Variants in MED27 observed in about 807,000 individuals in gnomAD.
The protein encoded by MED27 is mediator complex subunit 27, also known as mediator of RNA polymerase II transcription subunit 27.
A neutral mutation model predicts 38.2 loss-of-function variants in MED27; 30 were observed. The ratio of observed to expected loss-of-function variants is 0.79; its 90% CI spans 0.59 to 1.07. The LOEUF (loss-of-function observed/expected upper bound fraction) is 1.07, where lower values mean the gene tolerates loss of function less well. MED27 is among the 50% of genes least tolerant of loss of function. MED27 has a pLI of 0.00. For missense variants in MED27, 289 were observed against 397.5 expected, an observed-to-expected ratio of 0.73 and a Z score of 2.32; for synonymous variants, 122 against 153.5, an observed-to-expected ratio of 0.79 and a Z score of 1.52.
rs1326338982 is a variant in MED27 at position 131,917,773 on chromosome 9, T to C, written c.573+21608A>G. Among the ~76,000 whole-genome samples the C allele has an allele frequency of 6.6e-6, 1 of 152,158 alleles. No homozygotes were observed. Among genetic ancestry groups the C allele is most frequent in the Non-Finnish European group, 1.5e-5 (1 of 68,024 alleles). On this transcript the variant is annotated intron_variant, in intron 4 of 7. Transcript: ENST00000292035. This position sits in a 1 kb window ranked among gnomAD's most constrained non-coding sequence, Gnocchi z 4.6. The stretch of plus-strand genomic sequence containing the variant: ...AGAAAAATGTTAAATTGGAGACAAG[T>C]TGCAAGGGATCCAAAGGGTGTAGGA...
At chr9:131,902,965 T>C (rs1177372804) in intron 4 of MED27, among the ~76,000 whole-genome samples, 2 of 152,170 alleles carry the variant, frequency 1.3e-5, no homozygotes, top group Non-Finnish European at 2.9e-5. Context: ...AACAAGTCAC[T>C]TACCCTCTTT....
At chr9:131,939,608 T>C in intron 3 of MED27, 134 bp from the exon 4 acceptor site, 1 of 492,364 alleles carries the variant, frequency 2.0e-6, no homozygotes, top group South Asian at 3.8e-5. Context: ...GCAAATAGAA[T>C]TAGAAACCTT....
At chr9:132,028,191 C>T (rs943560208) in intron 2 of MED27, among the ~76,000 whole-genome samples, 1 of 152,216 alleles carries the variant, frequency 6.6e-6, no homozygotes, top group African/African-American at 2.4e-5. Flanking sequence ...TCTTTGCATA[C>T]CTGACTTCTT....
chr9:132,060,013 G>A (rs1159293971), intron 2 of MED27, among the ~76,000 whole-genome samples: 12 of 152,172 alleles, frequency 7.9e-5, no homozygotes, highest in Admixed American at 7.9e-4. Context: ...CTCAGGGGAG[G>A]TCAAGCAACC....
At chr9:132,076,833 TAC>T (rs1171398239) in intron 2 of MED27, among the ~76,000 whole-genome samples, 2 of 152,242 alleles carry the variant, frequency 1.3e-5, no homozygotes, top group African/African-American at 2.4e-5. Context: ...ATTTTTCAGC[TAC>T]AGTTTAGTTT....
intron 6 of MED27, among the ~76,000 whole-genome samples, chr9:131,873,906 CA>C (rs1481023519): frequency 6.6e-6 from 1 of 152,194 alleles, no homozygotes; most frequent in African/African-American, 2.4e-5. Flanking sequence ...TTTAAAGTCC[CA>C]GCCAGGGTGC....
At chr9:131,985,810 A>G (rs1831837375) in intron 3 of MED27, among the ~76,000 whole-genome samples, 1 of 152,066 alleles carries the variant, frequency 6.6e-6, no homozygotes, top group Non-Finnish European at 1.5e-5. Flanking sequence ...ATCATAGGAG[A>G]TGACAGCTCT....
intron 2 of MED27, among the ~76,000 whole-genome samples, chr9:132,053,537 C>T (rs1489134433): frequency 6.6e-6 from 1 of 152,196 alleles, no homozygotes; most frequent in Non-Finnish European, 1.5e-5. Context: ...TTACTGCATC[C>T]TCACAATAAC....
chr9:131,981,832 C>T (rs948661097), intron 3 of MED27, among the ~76,000 whole-genome samples: 9 of 152,178 alleles, frequency 5.9e-5, no homozygotes, highest in African/African-American at 2.2e-4. Flanking sequence ...AACAGTCCTC[C>T]AATTTCCAAC....
chr9:131,936,113 A>G (rs1830678765), intron 4 of MED27, among the ~76,000 whole-genome samples: 1 of 150,380 alleles, frequency 6.6e-6, no homozygotes, highest in Non-Finnish European at 1.5e-5. Context: ...AGCCTGGGTG[A>G]CAAAGTGAGA....
intron 3 of MED27, among the ~76,000 whole-genome samples, chr9:132,004,571 G>A (rs534919537): frequency 7.2e-5 from 11 of 152,224 alleles, no homozygotes; most frequent in Admixed American, 2.6e-4. Flanking sequence ...CCTGGCTCTG[G>A]GGCCCTGCTC....
intron 3 of MED27, among the ~76,000 whole-genome samples, chr9:131,998,126 AC>A (rs960424933): frequency 3.9e-5 from 6 of 152,062 alleles, no homozygotes; most frequent in Non-Finnish European, 8.8e-5. Flanking sequence ...TTTGCAAAGA[AC>A]CAGAAGGAAT....
chr9:132,026,866 C>A (rs545355924), intron 2 of MED27, among the ~76,000 whole-genome samples: 2 of 152,254 alleles, frequency 1.3e-5, no homozygotes, highest in Admixed American at 1.3e-4. Flanking sequence ...ATCTGTACAA[C>A]CACCCTGTGA....
At chr9:132,067,675 A>C (rs1387459087) in intron 2 of MED27, among the ~76,000 whole-genome samples, 2 of 152,166 alleles carry the variant, frequency 1.3e-5, no homozygotes, top group East Asian at 3.9e-4. Context: ...CCAAAAAAGC[A>C]AGCAAGCATG....
At chr9:131,968,743 C>T (rs964582676) in intron 3 of MED27, among the ~76,000 whole-genome samples, 12 of 152,156 alleles carry the variant, frequency 7.9e-5, no homozygotes, top group Admixed American at 2.0e-4. Flanking sequence ...GGGCCACAGA[C>T]GGGTACCAGT....
chr9:131,922,432 G>T (rs115894160), intron 4 of MED27, among the ~76,000 whole-genome samples: 2,414 of 126,844 alleles, frequency 0.019, 57 homozygotes, highest in African/African-American at 0.065. Context: ...CTTTCAACTG[G>T]CTTCTGTGTC....
chr9:131,931,437 A>G (rs1830586512), intron 4 of MED27, among the ~76,000 whole-genome samples: 1 of 152,162 alleles, frequency 6.6e-6, no homozygotes, highest in African/African-American at 2.4e-5. Context: ...GAAGGAAGGA[A>G]GACCTCAAAA....
intron 2 of MED27, among the ~76,000 whole-genome samples, chr9:132,059,791 C>T (rs1201425533): frequency 6.6e-6 from 1 of 152,220 alleles, no homozygotes; most frequent in East Asian, 1.9e-4. Context: ...AACTTCCTCG[C>T]TTGGTATTAC....
intron 1 of MED27, among the ~76,000 whole-genome samples, chr9:132,078,565 C>T (rs1018299483): frequency 7.9e-5 from 12 of 152,042 alleles, no homozygotes; most frequent in Non-Finnish European, 1.2e-4. Flanking sequence ...GTGTGATTTA[C>T]GGCAACTACT....
Sources: allele counts gnomAD v4.1 joint callset (sites outside exome capture counted in the v4.1 genomes callset), GRCh38; gene constraint gnomAD v4.1.1; non-coding constraint Gnocchi (gnomAD v3.1); transcripts MANE v1.5; gene names NCBI Gene and HGNC (gene_info 2026-07-23, HGNC 2026-07-21).